Variants in CSF1R observed in about 807,000 individuals in gnomAD.
CSF1R encodes macrophage colony-stimulating factor 1 receptor.
In CSF1R, 40 loss-of-function variants were observed where a neutral mutation model predicts 110.0. The observed-to-expected ratio is 0.36, with a 90% CI of 0.28 to 0.47. The LOEUF is 0.47. Among genes scored for constraint, CSF1R ranks in the 20% least tolerant of loss-of-function variants. CSF1R has a pLI of 0.99. For missense variants in CSF1R, 1,052 were observed against 1,253.0 expected, an observed-to-expected ratio of 0.84 and a Z score of 2.42; for synonymous variants, 523 against 503.4, an observed-to-expected ratio of 1.04 and a Z score of -0.52.
chr5:150,056,428 C>G, intron 16 of CSF1R, 87 bp from the exon 17 acceptor site: 1 of 1,542,064 alleles, frequency 6.5e-7, no homozygotes. Context: ...CCCCACATGG[C>G]TTTGGAGTCC....
chr5:150,099,363 G>A (rs975941824), intron 1 of CSF1R, among the ~76,000 whole-genome samples: 1 of 152,104 alleles, frequency 6.6e-6, no homozygotes, highest in African/African-American at 2.4e-5. Context: ...TACCATAATT[G>A]AGTAATCCTA....
chr5:150,092,544 CA>C (rs1238114717), intron 1 of CSF1R, among the ~76,000 whole-genome samples: 2 of 152,204 alleles, frequency 1.3e-5, no homozygotes, highest in Non-Finnish European at 2.9e-5. Context: ...CACAGTTCAG[CA>C]TGGCTGAGGA....
chr5:150,086,433 C>G lies in CSF1R; in HGVS notation c.-6G>C. Reference sequence around the variant, plus strand: ...AGCAGAACTCCTGGGCCCATGGCCTCGGTGGGGAAGTGGCAGGCAGGTGCA... The same window carrying G: ...AGCAGAACTCCTGGGCCCATGGCCTGGGTGGGGAAGTGGCAGGCAGGTGCA... On this transcript the variant is annotated 5_prime_UTR_variant, in exon 1 of 21. Transcript: ENST00000675795. The G allele has an allele frequency of 2.5e-6, 4 of 1,609,084 alleles. No individual in the cohort carries two copies. The highest frequency in any genetic ancestry group is 2.5e-6 in the Non-Finnish European group (3 of 1,178,012).
At chr5:150,060,808 T>G in intron 13 of CSF1R, 54 bp downstream of exon 13, 7 of 1,225,212 alleles carry the variant, frequency 5.7e-6, no homozygotes, top group Non-Finnish European at 8.2e-6. Flanking sequence ...CCTGGGGCCC[T>G]GAGATTCCCC....
At chr5:150,096,207 T>C (rs1350783559) in intron 1 of CSF1R, among the ~76,000 whole-genome samples, 1 of 152,138 alleles carries the variant, frequency 6.6e-6, no homozygotes, top group Non-Finnish European at 1.5e-5. Flanking sequence ...CTGGCCAACA[T>C]GGTGAAACCC....
intron 10 of CSF1R, among the ~76,000 whole-genome samples, chr5:150,062,872 T>C (rs1163301357): frequency 1.1e-4 from 16 of 152,172 alleles, no homozygotes; most frequent in Admixed American, 9.2e-4. Context: ...CCAGGAACAG[T>C]GCATGGAAAT....
At chr5:150,057,444 G>GCCCCTT (rs1757275021) in intron 15 of CSF1R, 60 bp from the exon 16 acceptor site, 3 of 1,609,824 alleles carry the variant, frequency 1.9e-6, no homozygotes, top group South Asian at 2.2e-5. Context: ...CACCCCAGCA[G>GCCCCTT]CCCCTTCTCC....
At position 150,057,540 on chromosome 5, in the gene CSF1R, C is replaced by T. The variant is rs139061724; in HGVS notation, c.2185G>A (p.Val729Ile). The change falls in exon 15 of 21, where the codon GTC (valine) becomes ATC (isoleucine). Residue 729 changes from valine (V) to isoleucine (I), a missense_variant. Coordinates refer to ENST00000675795, the MANE Select transcript of CSF1R (RefSeq NM_001288705.3). ...AAGGAGTCATTTGAAGAAGTGGAGA[C>T]AGGCCTCATCTCCACATAGGTGTCC... ...GVDTYVEMRP[V>I]STSSNDSFSE... The T allele has an allele frequency of 9.9e-6, 16 of 1,614,152 alleles. No homozygotes were observed. Among genetic ancestry groups the T allele is most frequent in the Admixed American group, 3.3e-5 (2 of 60,016 alleles).
In CSF1R at chr5:150,053,755, T is replaced by C. The variant is rs1239185937; in HGVS notation, c.*314A>G. 4.4e-6 allele frequency: 2 copies of C among 455,304 alleles called. No individual in the cohort carries two copies. The highest frequency in any genetic ancestry group is 3.8e-5 in the Admixed American group (1 of 26,336). The allele number at this position is 455,304 out of a possible 1,614,324, so 28.2% of individuals were successfully genotyped here. A position where few individuals can be genotyped will look rare whatever the true frequency, so the allele number is the denominator to read the frequency against. On this transcript the variant is annotated 3_prime_UTR_variant, in exon 21 of 21. Coordinates refer to ENST00000675795, the MANE Select transcript of CSF1R (RefSeq NM_001288705.3). The stretch of plus-strand genomic sequence containing the variant: ...TAGGCATAAAGTCAGTCCATTTCCA[T>C]GAAGATAAGGGGATTAGGAAAGAAG...
chr5:150,066,162 G>T (rs1323280799), intron 10 of CSF1R, among the ~76,000 whole-genome samples: 1 of 152,164 alleles, frequency 6.6e-6, no homozygotes, highest in Non-Finnish European at 1.5e-5. Context: ...CATCCCAAGA[G>T]GCATGAGCTA....
intron 14 of CSF1R, among the ~76,000 whole-genome samples, chr5:150,059,228 G>A (rs940659026): frequency 6.6e-6 from 1 of 152,136 alleles, no homozygotes; most frequent in Non-Finnish European, 1.5e-5. Context: ...ATATTTAATA[G>A]AGACGGGGTT....
intron 18 of CSF1R, 57 bp from the exon 19 acceptor site, chr5:150,055,393 C>T: frequency 7.3e-7 from 1 of 1,376,642 alleles, no homozygotes; most frequent in Non-Finnish European, 1.0e-6. Flanking sequence ...CCCATTCCCG[C>T]ACACCCACAC....
At chr5:150,078,275 C>A (rs750210736) in intron 3 of CSF1R, 27 bp from the exon 4 acceptor site, 2 of 1,613,046 alleles carry the variant, frequency 1.2e-6, no homozygotes, top group East Asian at 4.5e-5. Flanking sequence ...GACCCCTGAA[C>A]ACCCAGGCTC....
At chr5:150,055,199 G>A (rs933463756) in intron 19 of CSF1R, 38 bp downstream of exon 19, 3 of 1,568,730 alleles carry the variant, frequency 1.9e-6, no homozygotes, top group African/African-American at 1.3e-5. Context: ...GCGAAAGCCT[G>A]GGGTGTCCTT....
At position 150,053,516 on chromosome 5, in the gene CSF1R, G is replaced by GACCAGAAACTGTCAGTCCAGATCCATCA; in HGVS notation, c.*552_*553insTGATGGATCTGGACTGACAGTTTCTGGT. On this transcript the variant is annotated 3_prime_UTR_variant, in exon 21 of 21. Coordinates refer to ENST00000675795, the MANE Select transcript of CSF1R (RefSeq NM_001288705.3). Reference sequence around the variant, plus strand: ...GCAGTACCAGTATGGGGGTGGGAGGGGTGAGGCTGTGGAGTGAAGGCGGCG... The same window carrying GACCAGAAACTGTCAGTCCAGATCCATCA: ...GCAGTACCAGTATGGGGGTGGGAGGGACCAGAAACTGTCAGTCCAGATCCATCAGTGAGGCTGTGGAGTGAAGGCGGCG... 4.2e-6 allele frequency: 1 copy of GACCAGAAACTGTCAGTCCAGATCCATCA among 238,834 alleles called. No homozygotes were observed. Among genetic ancestry groups the GACCAGAAACTGTCAGTCCAGATCCATCA allele is most frequent in the Non-Finnish European group, 8.3e-6 (1 of 121,192 alleles). 14.8% of individuals were successfully genotyped at this position (238,834 alleles called of 1,614,324 possible). A position where few individuals can be genotyped will look rare whatever the true frequency, so the allele number is the denominator to read the frequency against.
chr5:150,056,735 T>G (rs962278113), intron 16 of CSF1R, among the ~76,000 whole-genome samples: 1 of 152,182 alleles, frequency 6.6e-6, no homozygotes, highest in African/African-American at 2.4e-5. Context: ...GAACCCTTTT[T>G]CTTTTCAACA....
chr5:150,063,836 G>T (rs1043375831), intron 10 of CSF1R, among the ~76,000 whole-genome samples: 5 of 152,140 alleles, frequency 3.3e-5, no homozygotes, highest in African/African-American at 1.2e-4. Flanking sequence ...ACTCTTTCCG[G>T]CCAGGCCTTG....
chr5:150,093,943 A>G (rs1204737517), intron 1 of CSF1R, among the ~76,000 whole-genome samples: 1 of 152,038 alleles, frequency 6.6e-6, no homozygotes, highest in African/African-American at 2.4e-5. Context: ...GGTGCCTGTA[A>G]TCCCAGCTAC....
rs112803202 is a variant in CSF1R, at chr5:150,059,212, T to C, written c.2132+488A>G. ...GGCATGCGCCACCACGCCCGGCTAA[T>C]TTTGTATATTTAATAGAGACGGGGT... On this transcript the variant is annotated intron_variant, in intron 14 of 20. Transcript: ENST00000675795. 7.8e-3 allele frequency among the ~76,000 whole-genome samples: 1,178 copies of C among 151,972 alleles called. 24 individuals are homozygous for C. Among genetic ancestry groups the C allele is most frequent in the African/African-American group, 0.026 (1,083 of 41,472 alleles).
Sources: gnomAD v4.1 joint callset for allele counts (sites outside exome capture counted in the v4.1 genomes callset) on GRCh38, gnomAD v4.1.1 for gene constraint, MANE v1.5 for transcripts, NCBI Gene and HGNC (gene_info 2026-07-23, HGNC 2026-07-21) for gene names.